The following PDE1A variants were observed in gnomAD, a reference collection of about 807,000 sequenced individuals.
The protein encoded by PDE1A is phosphodiesterase 1A.
A neutral mutation model predicts 61.7 loss-of-function variants in PDE1A; 35 were observed. That is an observed-to-expected ratio of 0.57 (90% CI 0.43 to 0.75). The LOEUF is 0.75. Among genes scored for constraint, PDE1A ranks in the 30% least tolerant of loss-of-function variants. The probability of loss-of-function intolerance (pLI) is 0.00; values close to 1 mark genes in which losing one functional copy is unlikely to be tolerated. For synonymous variants in PDE1A, 232 were observed against 213.2 expected (o/e 1.09, Z -0.77); for missense variants, 597 against 630.6 (o/e 0.95, Z 0.57).
the PDE1A span, among the ~76,000 whole-genome samples, chr2:182,532,255 T>C: frequency 4.3e-3 from 661 of 152,276 alleles, 2 homozygotes; most frequent in African/African-American, 0.015. Flanking sequence ...ATATACCCAA[T>C]ACAAAGAAAG....
the PDE1A span, among the ~76,000 whole-genome samples, chr2:182,638,777 C>T: frequency 2.0e-5 from 3 of 152,142 alleles, no homozygotes; most frequent in East Asian, 5.8e-4. Flanking sequence ...GCCAGCCTAG[C>T]GCTTCTGGTA....
At chr2:182,302,520 C>A (rs1347152411) in intron 1 of PDE1A, among the ~76,000 whole-genome samples, 1 of 152,186 alleles carries the variant, frequency 6.6e-6, no homozygotes, top group African/African-American at 2.4e-5. Context: ...ATCTTCTGAG[C>A]CTTTCAGCAA....
At chr2:182,522,724 A>C in exon 1 of PDE1A, 1 of 961,528 alleles carries the variant, frequency 1.0e-6, no homozygotes, top group Non-Finnish European at 1.3e-6. Flanking sequence ...TGTGCACTGA[A>C]GCACATCAGA....
chr2:182,637,139 C>A, the PDE1A span, among the ~76,000 whole-genome samples: 1 of 152,170 alleles, frequency 6.6e-6, no homozygotes, highest in Non-Finnish European at 1.5e-5. Context: ...CTGCAAAATT[C>A]CTTTTATCAT....
intron 2 of PDE1A, among the ~76,000 whole-genome samples, chr2:182,439,835 A>G (rs1684675782): frequency 6.6e-6 from 1 of 152,108 alleles, no homozygotes; most frequent in East Asian, 1.9e-4. Flanking sequence ...GTCACAGAAA[A>G]AGTACATATG....
chr2:182,291,059 T>C (rs16823011), intron 1 of PDE1A, among the ~76,000 whole-genome samples: 35,315 of 151,888 alleles, frequency 0.23, 4,330 homozygotes, highest in East Asian at 0.42. Context: ...GCTCATCCAT[T>C]TAAACTTTCC....
the PDE1A span, among the ~76,000 whole-genome samples, chr2:182,663,390 A>T: frequency 6.6e-6 from 1 of 152,224 alleles, no homozygotes; most frequent in Non-Finnish European, 1.5e-5. Context: ...TCATTGCAGC[A>T]CTATTAATAA....
At chr2:182,288,590 A>G (rs188398297) in intron 1 of PDE1A, among the ~76,000 whole-genome samples, 1 of 152,218 alleles carries the variant, frequency 6.6e-6, no homozygotes, top group African/African-American at 2.4e-5. Context: ...AAGAACTACC[A>G]ATAACATTAG....
At chr2:182,437,981 T>C (rs1039612063) in intron 2 of PDE1A, among the ~76,000 whole-genome samples, 1 of 151,900 alleles carries the variant, frequency 6.6e-6, no homozygotes, top group South Asian at 2.1e-4. Flanking sequence ...GTATAGTTCA[T>C]GAACATCAAT....
intron 7 of PDE1A, among the ~76,000 whole-genome samples, chr2:182,222,041 A>AAT (rs1051453190): frequency 1.3e-5 from 2 of 151,842 alleles, no homozygotes; most frequent in Non-Finnish European, 2.9e-5. Flanking sequence ...AGTTGTTAAA[A>AAT]ATATATATAT....
exon 1 of PDE1A, chr2:182,426,690 G>T: frequency 1.2e-6 from 2 of 1,611,856 alleles, no homozygotes; most frequent in Admixed American, 3.3e-5. Flanking sequence ...GAGAGGAAAT[G>T]TGGAAGCTTA....
intron 10 of PDE1A, among the ~76,000 whole-genome samples, chr2:182,198,133 C>G (rs1012661329): frequency 6.6e-6 from 1 of 151,724 alleles, no homozygotes; most frequent in Non-Finnish European, 1.5e-5. Flanking sequence ...AGGTTTCCCC[C>G]AAAATTTTAT....
chr2:182,578,485 G>A, the PDE1A span, among the ~76,000 whole-genome samples: 4 of 152,238 alleles, frequency 2.6e-5, no homozygotes, highest in East Asian at 3.9e-4. Context: ...TTTGAATAAT[G>A]TGACCTGGCA....
the PDE1A span, among the ~76,000 whole-genome samples, chr2:182,660,102 T>C: frequency 3.3e-5 from 5 of 152,250 alleles, no homozygotes; most frequent in African/African-American, 9.6e-5. Flanking sequence ...CCAGTGAAAC[T>C]CAGAAGCTCT....
exon 8 of PDE1A, chr2:182,206,045 T>C (rs1687073272): frequency 1.2e-6 from 2 of 1,610,064 alleles, no homozygotes; most frequent in Non-Finnish European, 1.7e-6. Context: ...GCGATCATTA[T>C]ACAAAATGGC....
At chr2:182,715,037 A>G in the PDE1A span, among the ~76,000 whole-genome samples, 31 of 152,182 alleles carry the variant, frequency 2.0e-4, no homozygotes, top group Non-Finnish European at 3.2e-4. Flanking sequence ...TCATCTTGGT[A>G]TAAAAACCTG....
chr2:182,425,411 T>C (rs1703553210), intron 1 of PDE1A, among the ~76,000 whole-genome samples: 1 of 152,206 alleles, frequency 6.6e-6, no homozygotes, highest in South Asian at 2.1e-4. Flanking sequence ...TTTACCAACA[T>C]CATTGCATAA....
At chr2:182,335,064 T>C (rs1039502698) in intron 1 of PDE1A, among the ~76,000 whole-genome samples, 1 of 152,054 alleles carries the variant, frequency 6.6e-6, no homozygotes, top group Non-Finnish European at 1.5e-5. Context: ...GAATACAGCT[T>C]ATAAGGGATG....
At chr2:182,307,398 A>G (rs138927989) in intron 1 of PDE1A, among the ~76,000 whole-genome samples, 2 of 152,128 alleles carry the variant, frequency 1.3e-5, no homozygotes, top group African/African-American at 4.8e-5. Flanking sequence ...TAAAGGTGGA[A>G]TGTGCTTTCA....
Sources: gnomAD v4.1 joint callset for allele counts (sites outside exome capture counted in the v4.1 genomes callset) on GRCh38, gnomAD v4.1.1 for gene constraint, MANE v1.5 for transcripts, NCBI Gene and HGNC (gene_info 2026-07-23, HGNC 2026-07-21) for gene names.